Variants in KCNJ8 observed in about 807,000 individuals in gnomAD.
The protein encoded by KCNJ8 is ATP-sensitive inward rectifier potassium channel 8.
KCNJ8 carries 13 observed loss-of-function variants against 28.2 expected under a neutral mutation model. The ratio of observed to expected loss-of-function variants is 0.46; its 90% CI spans 0.30 to 0.73. The LOEUF (loss-of-function observed/expected upper bound fraction) is 0.73, where lower values mean the gene tolerates loss of function less well. KCNJ8 is among the 30% of genes least tolerant of loss of function. KCNJ8 has a pLI of 0.07. For synonymous variants in KCNJ8, 188 were observed against 195.9 expected (o/e 0.96, Z 0.34); for missense variants, 284 against 542.6 (o/e 0.52, Z 4.73).
Position 21,773,598 on chromosome 12 carries a change from T to C in KCNJ8, c.19A>G (p.Ile7Val), listed in dbSNP as rs1940812178. Residue 7 changes from isoleucine to valine, a missense_variant, in exon 2 of 3, where the codon ATC becomes GTC. Physicochemically the swap from Ile to Val is conservative, Grantham distance 29. Transcript: ENST00000240662. The surrounding 1 kb of genome is among the most constrained non-coding windows in gnomAD (Gnocchi z 4.6). MLARKS[I>V]IPEEYVLARI... ...GCCAGCACATACTCCTCCGGGATGATACTCTTTCTGGCCAACATCGTCCTG... is the reference window on the plus strand; with the variant it reads ...GCCAGCACATACTCCTCCGGGATGACACTCTTTCTGGCCAACATCGTCCTG... The C allele has an allele frequency of 6.2e-7, 1 of 1,613,396 alleles. No homozygotes were observed. Among genetic ancestry groups the C allele is most frequent in the East Asian group, 2.2e-5 (1 of 44,882 alleles).
Position 21,765,272 on chromosome 12 carries a change from T to G in KCNJ8, c.*451A>C. The G allele has an allele frequency of 4.1e-6, 1 of 246,304 alleles. No individual in the cohort carries two copies. The highest frequency in any genetic ancestry group is 1.1e-4 in the East Asian group (1 of 9,206). The allele number at this position is 246,304 out of a possible 1,614,324, so 15.3% of individuals were successfully genotyped here. On this transcript the variant is annotated 3_prime_UTR_variant, in exon 3 of 3. Coordinates refer to ENST00000240662, the MANE Select transcript of KCNJ8 (RefSeq NM_004982.4). ...TATCATGGAGACAGGAGAAGGCTGA[T>G]GTACAAAACGCATTAACATGATTTT...
intron 2 of KCNJ8, among the ~76,000 whole-genome samples, chr12:21,771,035 G>A (rs1047202628): frequency 6.6e-6 from 1 of 152,116 alleles, no homozygotes. Flanking sequence ...CTCTTTTGTT[G>A]CTAAAATGAT....
At position 21,766,793 on chromosome 12, in the gene KCNJ8, C is replaced by G. The variant is rs1239648117; in HGVS notation, c.375-170G>C. 3.2e-6 allele frequency: 2 copies of G among 615,732 alleles called. No individual in the cohort carries two copies. The highest frequency in any genetic ancestry group is 2.9e-5 in the East Asian group (1 of 34,892). 38.1% of individuals were successfully genotyped at this position (615,732 alleles called of 1,614,324 possible). A position where few individuals can be genotyped will look rare whatever the true frequency, so the allele number is the denominator to read the frequency against. ...AATTCTAAACTGTGTTTAGAACAGTCTCTCTCTCTCTTGCATGCATCTACC... is the reference window on the plus strand; with the variant it reads ...AATTCTAAACTGTGTTTAGAACAGTGTCTCTCTCTCTTGCATGCATCTACC... On this transcript the variant is annotated intron_variant, in intron 2 of 2. Coordinates refer to ENST00000240662, the MANE Select transcript of KCNJ8 (RefSeq NM_004982.4). This position sits in a 1 kb window ranked among gnomAD's most constrained non-coding sequence, Gnocchi z 6.5.
At position 21,766,527 on chromosome 12, in the gene KCNJ8, C is replaced by G. The variant is rs143319002; in HGVS notation, c.471G>C (p.Thr157=). 1,133 of 1,612,442 alleles carry G rather than the reference C, an allele frequency of 7.0e-4. 3 individuals are homozygous for G. Among genetic ancestry groups the G allele is most frequent in the Non-Finnish European group, 9.2e-4 (1,083 of 1,179,970 alleles). The change falls in exon 3 of 3, where the codon ACG becomes ACC. Residue 157 remains threonine, a synonymous_variant. Transcript: ENST00000240662. This position sits in a 1 kb window ranked among gnomAD's most constrained non-coding sequence, Gnocchi z 6.5. ...CCACAATATTCTGGAGAATCAAAAC[C>G]GTGATGGCCAAAGGGCATTCCTCTG... ...MMTEECPLAI[T]VLILQNIVGL... is the part of the protein sequence containing the mutation.
intron 2 of KCNJ8, among the ~76,000 whole-genome samples, chr12:21,768,194 C>CA (rs1555172119): frequency 2.0e-5 from 3 of 152,118 alleles, no homozygotes; most frequent in Non-Finnish European, 1.5e-5. Flanking sequence ...CTAATGCCCC[C>CA]ACTGATGTGA....
At position 21,765,127 on chromosome 12, in the gene KCNJ8, G is replaced by A. The variant is rs572293863; in HGVS notation, c.*596C>T. 2.5e-5 allele frequency: 4 copies of A among 162,428 alleles called. No individual in the cohort carries two copies. The highest frequency in any genetic ancestry group is 5.4e-5 in the Non-Finnish European group (4 of 74,338). The allele number at this position is 162,428 out of a possible 1,614,324, so 10.1% of individuals were successfully genotyped here. On this transcript the variant is annotated 3_prime_UTR_variant, in exon 3 of 3. Coordinates refer to ENST00000240662, the MANE Select transcript of KCNJ8 (RefSeq NM_004982.4). ...CTTGTCCAGCTCTGCCCAACAGGCC[G>A]CAATGAGATGGACCAGGAAACCTTC...
intron 1 of KCNJ8, among the ~76,000 whole-genome samples, chr12:21,774,134 G>A (rs374515346): frequency 6.6e-6 from 1 of 152,086 alleles, no homozygotes; most frequent in Non-Finnish European, 1.5e-5. Context: ...TTCTTCCTCC[G>A]TTATTTTTAG....
Position 21,773,772 on chromosome 12 carries a change from C to G in KCNJ8, c.-70-86G>C. 2.0e-6 allele frequency: 2 copies of G among 986,608 alleles called. No individual in the cohort carries two copies. Among genetic ancestry groups the G allele is most frequent in the Non-Finnish European group, 3.0e-6 (2 of 657,794 alleles). 61.1% of individuals were successfully genotyped at this position (986,608 alleles called of 1,614,324 possible). ...CCTTGTATTCAAGGATATGTCTGTA[C>G]ATGTGCGAGGTGACATGCAAAACCA... On this transcript the variant is annotated intron_variant, in intron 1 of 2. Transcript: ENST00000240662. This position sits in a 1 kb window ranked among gnomAD's most constrained non-coding sequence, Gnocchi z 4.6.
At chr12:21,771,625 C>T (rs1416798338) in intron 2 of KCNJ8, among the ~76,000 whole-genome samples, 1 of 152,092 alleles carries the variant, frequency 6.6e-6, no homozygotes. Flanking sequence ...GGGAAAAATG[C>T]AAAGAATTAG....
At chr12:21,770,340 C>T (rs1025270202) in intron 2 of KCNJ8, among the ~76,000 whole-genome samples, 2 of 152,062 alleles carry the variant, frequency 1.3e-5, no homozygotes, top group Non-Finnish European at 2.9e-5. Context: ...TACACACTTA[C>T]TAGATTACAA....
intron 1 of KCNJ8, among the ~76,000 whole-genome samples, chr12:21,774,208 TA>T (rs1232680313): frequency 1.3e-5 from 2 of 152,148 alleles, no homozygotes; most frequent in Non-Finnish European, 2.9e-5. Context: ...AAAATTATAA[TA>T]AGTGGTGTGC....
chr12:21,765,422 G>A lies in KCNJ8; in HGVS notation c.*301C>T, dbSNP rs944425564. On this transcript the variant is annotated 3_prime_UTR_variant, in exon 3 of 3. Transcript: ENST00000240662. ...TGACCAAATTTTGTGCTCAAGGCCT[G>A]TTACTATTAGTGTAATTCTTGTGTT... is the stretch of plus-strand genomic sequence containing the variant. 6 of 433,676 alleles carry A rather than the reference G, an allele frequency of 1.4e-5. No homozygotes were observed. Among genetic ancestry groups the A allele is most frequent in the Admixed American group, 3.6e-5 (1 of 27,624 alleles). 26.9% of individuals were successfully genotyped at this position (433,676 alleles called of 1,614,324 possible).
At chr12:21,771,393 A>G (rs1476361600) in intron 2 of KCNJ8, among the ~76,000 whole-genome samples, 1 of 152,214 alleles carries the variant, frequency 6.6e-6, no homozygotes, top group Non-Finnish European at 1.5e-5. Flanking sequence ...TTACAGAAAG[A>G]GGTAGGCTGG....
chr12:21,769,951 C>G (rs1446929707), intron 2 of KCNJ8, among the ~76,000 whole-genome samples: 1 of 152,096 alleles, frequency 6.6e-6, no homozygotes, highest in Non-Finnish European at 1.5e-5. Context: ...GAAATGACAA[C>G]AAAGAATTCA....
At chr12:21,771,661 T>A (rs1408400925) in intron 2 of KCNJ8, among the ~76,000 whole-genome samples, 1 of 152,216 alleles carries the variant, frequency 6.6e-6, no homozygotes, top group Admixed American at 6.5e-5. Context: ...CCTTTTACAT[T>A]CTCATTGGGA....
In KCNJ8 at chr12:21,765,641, G is replaced by A; in HGVS notation, c.*82C>T. Reference sequence around the variant, plus strand: ...AAAATGTAGAAGGACACATTATTGTGTTCCAGCTCTGGTTCAGTCTGGCAG... The same window carrying A: ...AAAATGTAGAAGGACACATTATTGTATTCCAGCTCTGGTTCAGTCTGGCAG... On this transcript the variant is annotated 3_prime_UTR_variant, in exon 3 of 3. Transcript: ENST00000240662. 1 of 1,143,336 alleles carries A rather than the reference G, an allele frequency of 8.7e-7. No individual in the cohort carries two copies. The highest frequency in any genetic ancestry group is 1.7e-5 in the Admixed American group (1 of 59,404). 70.8% of individuals were successfully genotyped at this position (1,143,336 alleles called of 1,614,324 possible). A position where few individuals can be genotyped will look rare whatever the true frequency, so the allele number is the denominator to read the frequency against.
intron 2 of KCNJ8, among the ~76,000 whole-genome samples, chr12:21,770,070 C>T (rs999782242): frequency 6.6e-6 from 1 of 152,310 alleles, no homozygotes; most frequent in African/African-American, 2.4e-5. Flanking sequence ...CAGCATCACA[C>T]ATTACAGATA....
Position 21,765,878 on chromosome 12 carries a change from G to A in KCNJ8, c.1120C>T (p.Leu374=). Residue 374 remains leucine, a synonymous_variant, in exon 3 of 3, where the codon CTG becomes TTG. Transcript: ENST00000240662. The part of the protein sequence containing the change: ...ILIQTLQKSE[L]SHQNSLRKRN... ...TTCCTCAGAGAATTTTGATGAGACA[G>A]TTCACTCTTTTGGAGGGTCTGAATA... 6.2e-7 allele frequency: 1 copy of A among 1,614,186 alleles called. No individual in the cohort carries two copies. The highest frequency in any genetic ancestry group is 1.1e-5 in the South Asian group (1 of 91,084).
chr12:21,767,572 C>T (rs74069149), intron 2 of KCNJ8, among the ~76,000 whole-genome samples: 1 of 152,180 alleles, frequency 6.6e-6, no homozygotes, highest in African/African-American at 2.4e-5. Flanking sequence ...CCCACACCAT[C>T]CCCATCCCCC....
Sources: gnomAD v4.1 joint callset for allele counts (sites outside exome capture counted in the v4.1 genomes callset) on GRCh38, gnomAD v4.1.1 for gene constraint, Gnocchi (gnomAD v3.1) non-coding constraint, MANE v1.5 for transcripts, NCBI Gene and HGNC (gene_info 2026-07-23, HGNC 2026-07-21) for gene names.